The following CREB1 variants were observed in gnomAD, a reference collection of about 807,000 sequenced individuals.
The protein encoded by CREB1 is cAMP responsive element binding protein 1, also known as cyclic AMP-responsive element-binding protein 1.
Under a neutral mutation model 42.0 loss-of-function variants are expected in CREB1, and 2 were observed. That is an observed-to-expected ratio of 0.05 (90% CI 0.02 to 0.15). The LOEUF (loss-of-function observed/expected upper bound fraction) is 0.15. Among genes scored for constraint, CREB1 ranks in the 10% least tolerant of loss-of-function variants. The pLI, the probability that CREB1 is intolerant of heterozygous loss-of-function variation, is 1.00. For synonymous variants in CREB1, 123 were observed against 139.9 expected (o/e 0.88, Z 0.85); for missense variants, 199 against 388.9 (o/e 0.51, Z 4.11).
intron 1 of CREB1, among the ~76,000 whole-genome samples, chr2:207,552,268 TC>T (rs2081539468): frequency 6.6e-6 from 1 of 152,134 alleles, no homozygotes; most frequent in African/African-American, 2.4e-5. Context: ...ATGGCTTTGT[TC>T]CTTTATTGTA....
chr2:207,560,197 A>G (rs1294130167), intron 2 of CREB1, 29 bp from the exon 3 acceptor site: 2 of 1,531,570 alleles, frequency 1.3e-6, no homozygotes, highest in South Asian at 1.3e-5. Flanking sequence ...GTCTGGGATG[A>G]TAATTCTTTT....
chr2:207,596,868 T>C (rs1422172655), intron 7 of CREB1, 46 bp from the exon 8 acceptor site: 4 of 1,576,762 alleles, frequency 2.5e-6, no homozygotes, highest in African/African-American at 1.4e-5. Flanking sequence ...AAAATAAATA[T>C]GTGGAAATCA....
intron 7 of CREB1, among the ~76,000 whole-genome samples, chr2:207,579,692 C>T (rs1003636566): frequency 6.6e-6 from 1 of 152,140 alleles, no homozygotes; most frequent in Non-Finnish European, 1.5e-5. Context: ...GGAAACTTCT[C>T]ATTGATTCTG....
At chr2:207,573,695 T>A (rs558720928) in intron 5 of CREB1, among the ~76,000 whole-genome samples, 4 of 152,328 alleles carry the variant, frequency 2.6e-5, no homozygotes, top group Admixed American at 2.6e-4. Flanking sequence ...ATCTTGCCAC[T>A]GCACTCCAGC....
intron 1 of CREB1, among the ~76,000 whole-genome samples, chr2:207,532,396 C>T (rs1485443170): frequency 6.6e-6 from 1 of 151,774 alleles, no homozygotes; most frequent in Non-Finnish European, 1.5e-5. Flanking sequence ...CACTGATGGC[C>T]GAGTGCGGTG....
intron 3 of CREB1, among the ~76,000 whole-genome samples, chr2:207,561,570 C>T (rs1381905676): frequency 6.6e-6 from 1 of 152,180 alleles, no homozygotes. Flanking sequence ...AGTCTAATTC[C>T]TGTTCTATTG....
Position 207,600,472 on chromosome 2 carries a change from G to A in CREB1, c.*3414G>A, listed in dbSNP as rs2106636853. The A allele has an allele frequency of 1.0e-5, 2 of 199,790 alleles. No individual in the cohort carries two copies. Among genetic ancestry groups the A allele is most frequent in the East Asian group, 1.5e-4 (2 of 13,046 alleles). 12.4% of individuals were successfully genotyped at this position (199,790 alleles called of 1,614,324 possible). ...TTTTATTTTTTATTAGTTTTCTTTG[G>A]CTTGATACTTTTAAATATGTTACTA... On this transcript the variant is annotated 3_prime_UTR_variant, in exon 8 of 8. Transcript: ENST00000353267.
intron 5 of CREB1, among the ~76,000 whole-genome samples, chr2:207,571,022 C>CTTTTTTTTTTTTTTTT (rs71036933): frequency 1.2e-4 from 8 of 68,452 alleles, no homozygotes; most frequent in Non-Finnish European, 2.6e-4. Flanking sequence ...CTCTTTTTCC[C>CTTTTTTTTTTTTTTTT]TTTTTTTTTT....
intron 2 of CREB1, 34 bp downstream of exon 2, chr2:207,555,783 C>T (rs748666092): frequency 5.8e-6 from 8 of 1,382,332 alleles, no homozygotes; most frequent in African/African-American, 1.4e-5. Context: ...CAGTTTGTGT[C>T]TCTTCCTAGA....
intron 1 of CREB1, among the ~76,000 whole-genome samples, chr2:207,538,011 T>G (rs1181022059): frequency 6.6e-6 from 1 of 152,204 alleles, no homozygotes; most frequent in East Asian, 1.9e-4. Context: ...ATTATACACA[T>G]AGCCTGAAGG....
intron 7 of CREB1, among the ~76,000 whole-genome samples, chr2:207,588,934 G>A (rs1458723030): frequency 6.6e-6 from 1 of 151,922 alleles, no homozygotes. Flanking sequence ...AAATTATCAT[G>A]TCACCTACAA....
At chr2:207,561,286 G>A in intron 3 of CREB1, 2 of 785,094 alleles carry the variant, frequency 2.5e-6, no homozygotes, top group South Asian at 1.7e-5. Context: ...AAACCTCAGA[G>A]ATCTTCTGGG....
chr2:207,570,635 T>C (rs897909912), intron 5 of CREB1, among the ~76,000 whole-genome samples: 1 of 152,162 alleles, frequency 6.6e-6, no homozygotes, highest in Admixed American at 6.5e-5. Context: ...CCTCATGTGT[T>C]GAGAGAACAT....
At chr2:207,541,507 G>A (rs1306161486) in intron 1 of CREB1, among the ~76,000 whole-genome samples, 1 of 152,054 alleles carries the variant, frequency 6.6e-6, no homozygotes, top group African/African-American at 2.4e-5. Context: ...CATGCTGTAT[G>A]GGTTTGTAGC....
intron 1 of CREB1, among the ~76,000 whole-genome samples, chr2:207,548,707 C>G (rs1391468271): frequency 6.6e-6 from 1 of 152,104 alleles, no homozygotes; most frequent in Non-Finnish European, 1.5e-5. Flanking sequence ...GCCGAGATCA[C>G]TCCATTGCAC....
At chr2:207,545,188 T>A (rs941086808) in intron 1 of CREB1, among the ~76,000 whole-genome samples, 1 of 152,110 alleles carries the variant, frequency 6.6e-6, no homozygotes, top group African/African-American at 2.4e-5. Flanking sequence ...TGTAGAAGCA[T>A]TCCAGAGAAA....
At chr2:207,543,471 T>A (rs1036641602) in intron 1 of CREB1, among the ~76,000 whole-genome samples, 2 of 152,082 alleles carry the variant, frequency 1.3e-5, no homozygotes, top group African/African-American at 2.4e-5. Flanking sequence ...ATAAGCTGAG[T>A]CGTGGAGAAT....
intron 7 of CREB1, among the ~76,000 whole-genome samples, chr2:207,592,767 A>G (rs1202930353): frequency 6.6e-6 from 1 of 152,068 alleles, no homozygotes; most frequent in Non-Finnish European, 1.5e-5. Flanking sequence ...AAAATACAAA[A>G]AATTAGCTGG....
intron 7 of CREB1, among the ~76,000 whole-genome samples, chr2:207,594,837 A>G (rs780375276): frequency 1.3e-4 from 20 of 152,076 alleles, no homozygotes; most frequent in African/African-American, 3.4e-4. Flanking sequence ...ATTCCTACCA[A>G]CAGTACACAA....
Sources: gnomAD v4.1 joint callset for allele counts (sites outside exome capture counted in the v4.1 genomes callset) on GRCh38, gnomAD v4.1.1 for gene constraint, MANE v1.5 for transcripts, NCBI Gene and HGNC (gene_info 2026-07-23, HGNC 2026-07-21) for gene names.